The following PRDM10 variants were observed in gnomAD, a reference collection of about 807,000 sequenced individuals.
The protein encoded by PRDM10 is PR/SET domain 10.
PRDM10 carries 65 observed loss-of-function variants against 133.1 expected under a neutral mutation model. The observed-to-expected ratio is 0.49, with a 90% CI of 0.40 to 0.60. The LOEUF (loss-of-function observed/expected upper bound fraction) is 0.60. Ranked by LOEUF, PRDM10 falls within the 20% of genes least tolerant of loss-of-function variation. PRDM10 has a pLI of 0.00. For missense variants in PRDM10, 1,137 were observed against 1,507.1 expected (o/e 0.75, Z 4.07); for synonymous variants, 582 against 580.4 (o/e 1.00, Z -0.04).
Position 129,972,267 on chromosome 11 carries a change from C to T in PRDM10, c.-118-11185G>A, listed in dbSNP as rs545242703. 2.4e-3 allele frequency among the ~76,000 whole-genome samples: 368 copies of T among 152,342 alleles called. 3 individuals carry two copies. The highest frequency in any genetic ancestry group is 8.2e-3 in the African/African-American group (341 of 41,590). ...CCTTGGCCAGCCCAGAAAGGGGCTC[C>T]CACAGTGCAGCGGTGGGCTGAAGGG... On this transcript the variant is annotated intron_variant, in intron 1 of 20. Coordinates refer to ENST00000360871, the MANE Select transcript of PRDM10 (RefSeq NM_199437.2).
rs533618942 is a variant in PRDM10, at chr11:129,985,995, T to G, written c.-119+16727A>C. Among the ~76,000 whole-genome samples the G allele has an allele frequency of 2.6e-5, 4 of 151,858 alleles. No individual in the cohort carries two copies. The East Asian group carries it at 5.8e-4, about 22-fold the overall frequency. ...TTAGTCCCAGTGCTTCCGTTCTTAGTGTACACAGAGGTGTTGGGCTCGTGG... is the reference window on the plus strand; with the variant it reads ...TTAGTCCCAGTGCTTCCGTTCTTAGGGTACACAGAGGTGTTGGGCTCGTGG... On this transcript the variant is annotated intron_variant, in intron 1 of 20. Transcript: ENST00000360871.
At chr11:129,938,546 A>G (rs948161986) in intron 7 of PRDM10, among the ~76,000 whole-genome samples, 4 of 152,072 alleles carry the variant, frequency 2.6e-5, no homozygotes, top group Non-Finnish European at 5.9e-5. Flanking sequence ...GCATGCCAAG[A>G]CCATTTCTTG....
rs999285696 is a variant in PRDM10, at chr11:129,918,365, T to C, written c.2214+174A>G. On this transcript the variant is annotated intron_variant, in intron 14 of 20. Transcript: ENST00000360871. This position sits in a 1 kb window ranked among gnomAD's most constrained non-coding sequence, Gnocchi z 5.3. ...GCAGCAAGAGAGAGCAAAGGGAGACTAGAAAAGACAGAACTCCAAATTGGG... is the reference window on the plus strand; with the variant it reads ...GCAGCAAGAGAGAGCAAAGGGAGACCAGAAAAGACAGAACTCCAAATTGGG... 6.6e-6 allele frequency among the ~76,000 whole-genome samples: 1 copy of C among 151,802 alleles called. No homozygotes were observed. The highest frequency in any genetic ancestry group is 2.4e-5 in the African/African-American group (1 of 41,282).
chr11:129,923,160 A>G lies in PRDM10; in HGVS notation c.2034+88T>C, dbSNP rs564573865. 7.1e-7 allele frequency: 1 copy of G among 1,401,908 alleles called. No homozygotes were observed. Among genetic ancestry groups the G allele is most frequent in the Non-Finnish European group, 9.5e-7 (1 of 1,055,088 alleles). 86.8% of individuals were successfully genotyped at this position (1,401,908 alleles called of 1,614,324 possible). A position where few individuals can be genotyped will look rare whatever the true frequency, so the allele number is the denominator to read the frequency against. On this transcript the variant is annotated intron_variant, in intron 13 of 20. Coordinates refer to ENST00000360871, the MANE Select transcript of PRDM10 (RefSeq NM_199437.2). The surrounding 1 kb of genome is among the most constrained non-coding windows in gnomAD (Gnocchi z 4.4). The stretch of plus-strand genomic sequence containing the variant: ...CCAGTTCATCAGAGGTGGGTGATAA[A>G]CTGATGAAATGAACAGGCATTTACC...
chr11:129,927,487 C>T (rs1440354440), intron 11 of PRDM10, among the ~76,000 whole-genome samples: 3 of 152,090 alleles, frequency 2.0e-5, no homozygotes, highest in Non-Finnish European at 2.9e-5. Context: ...TGCACATTGA[C>T]TGTGGTCCCA....
At chr11:129,968,611 C>CT (rs1440808687) in intron 1 of PRDM10, among the ~76,000 whole-genome samples, 1 of 151,904 alleles carries the variant, frequency 6.6e-6, no homozygotes, top group African/African-American at 2.4e-5. Flanking sequence ...ATCCTACCCC[C>CT]TCACTACCCA....
rs1951463848 is a variant in PRDM10, at chr11:129,947,642, T to TC, written c.295-273dup. On this transcript the variant is annotated intron_variant, in intron 4 of 20. Transcript: ENST00000360871. The surrounding 1 kb of genome is among the most constrained non-coding windows in gnomAD (Gnocchi z 4.6). ...AGGGCTGCTAAGAAGGCTCAGGTGC[T>TC]CCCTCCTTTGGCAGCAGTGGGAGAG... 1.8e-6 allele frequency: 2 copies of TC among 1,122,852 alleles called. No homozygotes were observed. The highest frequency in any genetic ancestry group is 6.1e-5 in the Admixed American group (2 of 32,596). 69.6% of individuals were successfully genotyped at this position (1,122,852 alleles called of 1,614,324 possible). A position where few individuals can be genotyped will look rare whatever the true frequency, so the allele number is the denominator to read the frequency against.
rs1361864294 is a variant in PRDM10, at chr11:129,902,018, G to A, written c.*295C>T. On this transcript the variant is annotated 3_prime_UTR_variant, in exon 21 of 21. Transcript: ENST00000360871. ...TAATATTTCCACAAAGGAAAAGTAA[G>A]GCTCGTCAGTATGTTAAAAGACCAG... 1 of 316,246 alleles carries A rather than the reference G, an allele frequency of 3.2e-6. No homozygotes were observed. Among genetic ancestry groups the A allele is most frequent in the South Asian group, 6.1e-5 (1 of 16,512 alleles). 19.6% of individuals were successfully genotyped at this position (316,246 alleles called of 1,614,324 possible). A position where few individuals can be genotyped will look rare whatever the true frequency, so the allele number is the denominator to read the frequency against.
Position 129,942,635 on chromosome 11 carries a change from C to CAAAAA in PRDM10, c.763-7_763-6insTTTTT. On this transcript the variant is annotated splice_polypyrimidine_tract_variant and splice_region_variant and intron_variant, in intron 6 of 20. Coordinates refer to ENST00000360871, the MANE Select transcript of PRDM10 (RefSeq NM_199437.2). ...TCCCCTTTATCAAGAGAAACCTGCA[C>CAAAAA]GAAAAAAAAGCCACACCAAAAACAA... The CAAAAA allele has an allele frequency of 6.3e-7, 1 of 1,595,440 alleles. No individual in the cohort carries two copies. The highest frequency in any genetic ancestry group is 1.8e-5 in the Admixed American group (1 of 55,366).
chr11:129,914,481 G>A lies in PRDM10; in HGVS notation c.2841+223C>T, dbSNP rs1337651729. On this transcript the variant is annotated intron_variant, in intron 17 of 20. Coordinates refer to ENST00000360871, the MANE Select transcript of PRDM10 (RefSeq NM_199437.2). ...GCCACAGCACAGGAGGCTTGTATATGCTGGAACCTAAAATTTCCTGACTAC... is the reference window on the plus strand; with the variant it reads ...GCCACAGCACAGGAGGCTTGTATATACTGGAACCTAAAATTTCCTGACTAC... 3 of 652,684 alleles carry A rather than the reference G, an allele frequency of 4.6e-6. No homozygotes were observed. The African/African-American group carries it at 5.4e-5, about 12-fold the overall frequency. The allele number at this position is 652,684 out of a possible 1,614,324, so 40.4% of individuals were successfully genotyped here.
intron 11 of PRDM10, among the ~76,000 whole-genome samples, chr11:129,929,665 A>G (rs899381377): frequency 6.6e-6 from 1 of 151,932 alleles, no homozygotes; most frequent in Non-Finnish European, 1.5e-5. Flanking sequence ...AACCCTGCTC[A>G]TTCAAAAATG....
chr11:129,993,062 GGTA>G (rs1938837865), intron 1 of PRDM10, among the ~76,000 whole-genome samples: 1 of 152,182 alleles, frequency 6.6e-6, no homozygotes, highest in Non-Finnish European at 1.5e-5. Context: ...TGTTTTCCAA[GGTA>G]GTCATATGAA....
intron 9 of PRDM10, 101 bp from the exon 10 acceptor site, chr11:129,932,332 C>G: frequency 7.1e-7 from 1 of 1,409,702 alleles, no homozygotes; most frequent in Non-Finnish European, 9.6e-7. Flanking sequence ...TTTGATTCCT[C>G]TCACCTTATT....
chr11:129,971,235 G>C (rs1045569275), intron 1 of PRDM10, among the ~76,000 whole-genome samples: 2 of 152,160 alleles, frequency 1.3e-5, no homozygotes, highest in African/African-American at 2.4e-5. Flanking sequence ...AAGCTCCCAC[G>C]GTGTGGAAGG....
At chr11:129,929,688 C>T (rs1416825576) in intron 11 of PRDM10, among the ~76,000 whole-genome samples, 3 of 150,284 alleles carry the variant, frequency 2.0e-5, no homozygotes, top group Admixed American at 6.6e-5. Context: ...AGTACAATTA[C>T]GGCTGGACTG....
At chr11:129,922,881 A>T (rs1202278075) in intron 13 of PRDM10, among the ~76,000 whole-genome samples, 1 of 152,146 alleles carries the variant, frequency 6.6e-6, no homozygotes, top group Non-Finnish European at 1.5e-5. Flanking sequence ...AGGCTCAATT[A>T]CGGGCTCTTA....
chr11:129,905,226 G>A (rs563870961), intron 20 of PRDM10, among the ~76,000 whole-genome samples: 1 of 152,218 alleles, frequency 6.6e-6, no homozygotes, highest in Admixed American at 6.5e-5. Flanking sequence ...GTTGGGTGTG[G>A]TGGTGCGTGT....
In PRDM10 at chr11:129,947,236, G is replaced by GTCCTCGTCCTCATCCTCATCC. The variant is rs1951447430; in HGVS notation, c.408_428dup (p.Glu136_Glu142dup). The GTCCTCGTCCTCATCCTCATCC allele has an allele frequency of 6.2e-7, 1 of 1,613,926 alleles. No homozygotes were observed. The highest frequency in any genetic ancestry group is 1.3e-5 in the African/African-American group (1 of 74,894). ...CGTCTTCTTCCTCATCTTCCTCAGT[G>GTCCTCGTCCTCATCCTCATCC]TCCTCGTCCTCATCCTCATCCTCTT... On this transcript the variant is annotated inframe_insertion, in exon 5 of 21. Coordinates refer to ENST00000360871, the MANE Select transcript of PRDM10 (RefSeq NM_199437.2). This position sits in a 1 kb window ranked among gnomAD's most constrained non-coding sequence, Gnocchi z 4.6.
chr11:129,977,700 A>T (rs1173698302), intron 1 of PRDM10, among the ~76,000 whole-genome samples: 1 of 152,164 alleles, frequency 6.6e-6, no homozygotes, highest in Non-Finnish European at 1.5e-5. Flanking sequence ...CATGCCCATA[A>T]TCCCACCACT....
Sources: gnomAD v4.1 joint callset for allele counts (sites outside exome capture counted in the v4.1 genomes callset) on GRCh38, gnomAD v4.1.1 for gene constraint, Gnocchi (gnomAD v3.1) non-coding constraint, MANE v1.5 for transcripts, NCBI Gene and HGNC (gene_info 2026-07-23, HGNC 2026-07-21) for gene names.